SMOC1: variants seen among roughly 807,000 people sequenced by gnomAD.
The protein encoded by SMOC1 is SPARC related modular calcium binding 1, also known as SPARC-related modular calcium-binding protein 1.
A neutral mutation model predicts 56.3 loss-of-function variants in SMOC1; 22 were observed. That is an observed-to-expected ratio of 0.39 (90% CI 0.28 to 0.56). SMOC1 has a LOEUF of 0.56. Ranked by LOEUF, SMOC1 falls within the 20% of genes least tolerant of loss-of-function variation. The pLI is 0.61. For missense variants in SMOC1, 509 were observed against 565.4 expected (o/e 0.90, Z 1.01); for synonymous variants, 193 against 215.0 (o/e 0.90, Z 0.89).
intron 7 of SMOC1, among the ~76,000 whole-genome samples, chr14:70,000,499 T>G (rs1320762289): frequency 1.3e-5 from 2 of 152,330 alleles, no homozygotes; most frequent in East Asian, 1.9e-4. Flanking sequence ...TTCTTTTTGG[T>G]GGAAGGGTCA....
At chr14:69,953,390 A>C (rs1426614282) in intron 2 of SMOC1, 30 bp from the exon 3 acceptor site, 5 of 1,607,042 alleles carry the variant, frequency 3.1e-6, no homozygotes, top group Non-Finnish European at 4.3e-6. Flanking sequence ...ATCCAAGTGA[A>C]ATATGAAATC....
At chr14:69,948,848 A>C (rs1021934554) in intron 1 of SMOC1, among the ~76,000 whole-genome samples, 1 of 152,224 alleles carries the variant, frequency 6.6e-6, no homozygotes, top group Non-Finnish European at 1.5e-5. Flanking sequence ...CTAAAAGCCC[A>C]GAGAAGCTAG....
intron 1 of SMOC1, among the ~76,000 whole-genome samples, chr14:69,922,303 A>AT (rs1271232854): frequency 6.6e-6 from 1 of 152,194 alleles, no homozygotes; most frequent in Non-Finnish European, 1.5e-5. Flanking sequence ...AACAGTGGTG[A>AT]TGTTGTTATC....
chr14:69,947,393 C>A (rs903772223), intron 1 of SMOC1, among the ~76,000 whole-genome samples: 1 of 152,104 alleles, frequency 6.6e-6, no homozygotes, highest in Non-Finnish European at 1.5e-5. Context: ...TGGTCTTGAA[C>A]TCCTGGGCTC....
At position 69,948,987 on chromosome 14, in the gene SMOC1, C is replaced by G. The variant is rs911318724; in HGVS notation, c.100-3151C>G. Reference sequence around the variant, plus strand: ...TCATTATAACAAACAGAAACACCGGCCCACCTGCAAAAAGGACTTCACAAA... The same window carrying G: ...TCATTATAACAAACAGAAACACCGGGCCACCTGCAAAAAGGACTTCACAAA... On this transcript the variant is annotated intron_variant, in intron 1 of 11. Coordinates refer to ENST00000361956, the MANE Select transcript of SMOC1 (RefSeq NM_001034852.3). Among the ~76,000 whole-genome samples the G allele has an allele frequency of 2.6e-5, 4 of 152,128 alleles. No homozygotes were observed. In the East Asian group the frequency reaches 7.7e-4, roughly 29 times the overall value.
chr14:69,895,172 A>G (rs1884060800), intron 1 of SMOC1, among the ~76,000 whole-genome samples: 1 of 152,238 alleles, frequency 6.6e-6, no homozygotes, highest in Non-Finnish European at 1.5e-5. Context: ...TGGTTGGGAA[A>G]GGTGACCAAA....
chr14:70,011,682 C>T, intron 9 of SMOC1, 115 bp downstream of exon 9: 1 of 987,818 alleles, frequency 1.0e-6, no homozygotes, highest in Non-Finnish European at 1.6e-6. Flanking sequence ...AAGATGGAGC[C>T]AGGAGCCGTG....
At chr14:69,914,084 G>A (rs759106109) in intron 1 of SMOC1, among the ~76,000 whole-genome samples, 8 of 152,176 alleles carry the variant, frequency 5.3e-5, no homozygotes, top group Non-Finnish European at 1.0e-4. Flanking sequence ...CTTTGAAGAT[G>A]TGCAGATTTG....
At chr14:69,945,237 A>G (rs936496094) in intron 1 of SMOC1, among the ~76,000 whole-genome samples, 6 of 152,240 alleles carry the variant, frequency 3.9e-5, no homozygotes, top group African/African-American at 1.4e-4. Flanking sequence ...TAGATAAATG[A>G]TAATGCAGTA....
At chr14:69,886,121 G>A (rs1020189251) in intron 1 of SMOC1, 1 of 1,538,548 alleles carries the variant, frequency 6.5e-7, no homozygotes, top group African/African-American at 1.4e-5. Flanking sequence ...CTTTCCCTTG[G>A]CCTTCTTTCC....
intron 11 of SMOC1, among the ~76,000 whole-genome samples, chr14:70,024,690 A>G (rs1163948708): frequency 6.6e-6 from 1 of 152,196 alleles, no homozygotes; most frequent in Non-Finnish European, 1.5e-5. Flanking sequence ...TGTGACTGAA[A>G]TGAATATTTT....
chr14:70,008,056 G>A (rs1270591483), intron 7 of SMOC1, among the ~76,000 whole-genome samples: 3 of 151,954 alleles, frequency 2.0e-5, no homozygotes, highest in Admixed American at 6.5e-5. Flanking sequence ...TTGCAGTCAG[G>A]CTTTTAAAAA....
Position 70,030,559 on chromosome 14 carries a change from G to C in SMOC1, c.*301G>C. 1 of 399,618 alleles carries C rather than the reference G, an allele frequency of 2.5e-6. No homozygotes were observed. Among genetic ancestry groups the C allele is most frequent in the Non-Finnish European group, 4.4e-6 (1 of 226,614 alleles). The allele number at this position is 399,618 out of a possible 1,614,324, so 24.8% of individuals were successfully genotyped here. A position where few individuals can be genotyped will look rare whatever the true frequency, so the allele number is the denominator to read the frequency against. The stretch of plus-strand genomic sequence containing the variant: ...GAGGGTTTTGGGGGGGTGGGGGAGG[G>C]TGTTGTTGGGGCTGAGAAGAAAGAG... On this transcript the variant is annotated 3_prime_UTR_variant, in exon 12 of 12. Coordinates refer to ENST00000361956, the MANE Select transcript of SMOC1 (RefSeq NM_001034852.3).
At chr14:69,928,895 A>G (rs937315552) in intron 1 of SMOC1, among the ~76,000 whole-genome samples, 2 of 152,186 alleles carry the variant, frequency 1.3e-5, no homozygotes, top group Admixed American at 6.5e-5. Flanking sequence ...GTTGGGGTCA[A>G]GCCCCCAACT....
chr14:69,941,458 TAC>T (rs1255282245), intron 1 of SMOC1, among the ~76,000 whole-genome samples: 1 of 152,178 alleles, frequency 6.6e-6, no homozygotes, highest in Non-Finnish European at 1.5e-5. Flanking sequence ...CCACACTTAT[TAC>T]CCAGGACACC....
chr14:70,011,454 C>G, intron 8 of SMOC1, 31 bp from the exon 9 acceptor site: 2 of 1,221,950 alleles, frequency 1.6e-6, no homozygotes, highest in Non-Finnish European at 2.4e-6. Flanking sequence ...GCCAGCCCCT[C>G]CCAACCCCCC....
intron 7 of SMOC1, among the ~76,000 whole-genome samples, chr14:69,996,856 A>C (rs1313898872): frequency 6.6e-6 from 1 of 152,184 alleles, no homozygotes; most frequent in African/African-American, 2.4e-5. Context: ...TCTTTGATAT[A>C]ATTATGTATA....
intron 10 of SMOC1, among the ~76,000 whole-genome samples, chr14:70,016,053 G>A (rs1885498953): frequency 6.6e-6 from 1 of 152,162 alleles, no homozygotes; most frequent in African/African-American, 2.4e-5. Flanking sequence ...CTGCACTTCT[G>A]CCTGAGTCCT....
At chr14:70,026,908 T>C (rs1219649163) in intron 11 of SMOC1, among the ~76,000 whole-genome samples, 1 of 151,950 alleles carries the variant, frequency 6.6e-6, no homozygotes, top group East Asian at 1.9e-4. Context: ...TGTCTGTGTA[T>C]GTCTGTGCAT....
Sources: allele counts gnomAD v4.1 joint callset (sites outside exome capture counted in the v4.1 genomes callset), GRCh38; gene constraint gnomAD v4.1.1; transcripts MANE v1.5; gene names NCBI Gene and HGNC (gene_info 2026-07-23, HGNC 2026-07-21).